Variants in PLD5 observed in about 807,000 individuals in gnomAD.
The protein encoded by PLD5 is inactive phospholipase D5.
A neutral mutation model predicts 61.1 loss-of-function variants in PLD5; 36 were observed. The observed-to-expected ratio is 0.59, with a 90% confidence interval of 0.45 to 0.78. The LOEUF is 0.78. Among genes scored for constraint, PLD5 ranks in the 30% least tolerant of loss-of-function variants. The pLI, the probability that PLD5 is intolerant of heterozygous loss-of-function variation, is 0.00. For missense variants in PLD5, 515 were observed against 644.4 expected (o/e 0.80, Z 2.17); for synonymous variants, 243 against 242.8 (o/e 1.00, Z -0.01).
chr1:242,178,553 A>T (rs1336602465), intron 5 of PLD5, among the ~76,000 whole-genome samples: 2 of 152,218 alleles, frequency 1.3e-5, no homozygotes, highest in Non-Finnish European at 2.9e-5. Context: ...TTCAAAGCAT[A>T]GGTTTTCAGG....
intron 4 of PLD5, among the ~76,000 whole-genome samples, chr1:242,233,482 C>G (rs577108104): frequency 6.6e-6 from 1 of 151,772 alleles, no homozygotes; most frequent in East Asian, 2.0e-4. Flanking sequence ...TTAGAAGAGA[C>G]TGATTTCTAA....
intron 1 of PLD5, among the ~76,000 whole-genome samples, chr1:242,462,912 C>T (rs996578582): frequency 6.6e-6 from 1 of 152,200 alleles, no homozygotes; most frequent in Non-Finnish European, 1.5e-5. Flanking sequence ...TCCAACATTA[C>T]TTGTGCCTTA....
intron 3 of PLD5, among the ~76,000 whole-genome samples, chr1:242,277,038 G>A (rs577220874): frequency 6.6e-6 from 1 of 152,066 alleles, no homozygotes; most frequent in Non-Finnish European, 1.5e-5. Context: ...TGGTAACCAG[G>A]CTCTCGGCGG....
rs1403922738 is a variant in PLD5, at chr1:242,494,879, TG to T, written c.189+29208del. On this transcript the variant is annotated intron_variant, in intron 1 of 9. Coordinates refer to ENST00000536534, the MANE Select transcript of PLD5 (RefSeq NM_001372062.1). ...CAACCCCCAATTTTTTTTTCTTTTC[TG>T]TTTTTTTTTTTTTGCTGTTTTGTCC... Among the ~76,000 whole-genome samples the T allele has an allele frequency of 1.3e-3, 67 of 50,302 alleles. 1 individual carries two copies. Among genetic ancestry groups the T allele is most frequent in the African/African-American group, 2.3e-3 (26 of 11,384 alleles). The allele number at this position is 50,302 out of a possible 152,430, so 33.0% of individuals were successfully genotyped here. A position where few individuals can be genotyped will look rare whatever the true frequency, so the allele number is the denominator to read the frequency against.
chr1:242,334,010 T>C (rs541348451), intron 2 of PLD5, among the ~76,000 whole-genome samples: 1 of 152,296 alleles, frequency 6.6e-6, no homozygotes, highest in Admixed American at 6.5e-5. Context: ...TTTCGACATA[T>C]ACCCAGTAGT....
At chr1:242,394,501 T>A (rs140999425) in intron 1 of PLD5, among the ~76,000 whole-genome samples, 7,734 of 74,156 alleles carry the variant, frequency 0.1, 1,828 homozygotes, top group Admixed American at 0.14. Context: ...CATATATATG[T>A]GTATATATGT....
At chr1:242,305,773 G>C (rs1676312177) in intron 2 of PLD5, among the ~76,000 whole-genome samples, 2 of 152,192 alleles carry the variant, frequency 1.3e-5, no homozygotes, top group Non-Finnish European at 2.9e-5. Flanking sequence ...TGTTGGCCAG[G>C]ATGGTCTCGA....
chr1:242,496,542 A>G (rs978565614), intron 1 of PLD5, among the ~76,000 whole-genome samples: 4 of 152,220 alleles, frequency 2.6e-5, no homozygotes, highest in Non-Finnish European at 5.9e-5. Flanking sequence ...TTTGCACTTC[A>G]TTAGACTTTG....
chr1:242,112,339 G>GATAGATAGATAGA lies in PLD5; in HGVS notation c.1070+1550_1070+1551insTCTATCTATCTAT, dbSNP rs1558233108. Among the ~76,000 whole-genome samples, 1,375 of 143,406 alleles carry GATAGATAGATAGA rather than the reference G, an allele frequency of 9.6e-3. 41 individuals are homozygous for GATAGATAGATAGA. The highest frequency in any genetic ancestry group is 0.033 in the African/African-American group (1,291 of 38,976). The allele number at this position is 143,406 out of a possible 152,430, so 94.1% of individuals were successfully genotyped here. A position where few individuals can be genotyped will look rare whatever the true frequency, so the allele number is the denominator to read the frequency against. On this transcript the variant is annotated intron_variant, in intron 7 of 9. Coordinates refer to ENST00000536534, the MANE Select transcript of PLD5 (RefSeq NM_001372062.1). The stretch of plus-strand genomic sequence containing the variant: ...TGTGTGTGTGTATGTATGTATATGT[G>GATAGATAGATAGA]TATATATATATATAGATGGAGTCTC...
Position 242,090,070 on chromosome 1 carries a change from A to G in PLD5, c.1395T>C (p.Ala465=). 1 of 1,614,226 alleles carries G rather than the reference A, an allele frequency of 6.2e-7. No individual in the cohort carries two copies. Among genetic ancestry groups the G allele is most frequent in the Non-Finnish European group, 8.5e-7 (1 of 1,180,044 alleles). ...DWVGNDFTQN[A]GTGLVINQAD... ...CCTGGTTGATAACAAGGCCCGTGCCAGCATTCTGAGTGAAATCATTCCCTA... is the reference window on the plus strand; with the variant it reads ...CCTGGTTGATAACAAGGCCCGTGCCGGCATTCTGAGTGAAATCATTCCCTA... Residue 465 remains alanine, a synonymous_variant, in exon 10 of 10, where the codon GCT becomes GCC. Transcript: ENST00000536534.
At chr1:242,346,170 T>G (rs981500043) in intron 2 of PLD5, among the ~76,000 whole-genome samples, 14 of 150,626 alleles carry the variant, frequency 9.3e-5, no homozygotes, top group African/African-American at 3.2e-4. Flanking sequence ...GAAGTAGAAT[T>G]AAGTCATTAG....
intron 7 of PLD5, among the ~76,000 whole-genome samples, chr1:242,112,259 A>G (rs544105769): frequency 2.6e-5 from 4 of 151,912 alleles, no homozygotes; most frequent in African/African-American, 9.7e-5. Context: ...GGTGAAAAAA[A>G]TCCATGAATG....
At chr1:242,459,098 G>T (rs750884768) in intron 1 of PLD5, among the ~76,000 whole-genome samples, 1 of 152,140 alleles carries the variant, frequency 6.6e-6, no homozygotes, top group Non-Finnish European at 1.5e-5. Flanking sequence ...TCAAATTAAT[G>T]ATCTAAGACA....
intron 1 of PLD5, among the ~76,000 whole-genome samples, chr1:242,521,269 C>A (rs1324622190): frequency 6.6e-6 from 1 of 152,222 alleles, no homozygotes; most frequent in African/African-American, 2.4e-5. Flanking sequence ...CAATCCTCAA[C>A]TAATTCAGGT....
chr1:242,170,850 T>C (rs983646286), intron 5 of PLD5, among the ~76,000 whole-genome samples: 3 of 151,490 alleles, frequency 2.0e-5, no homozygotes, highest in Non-Finnish European at 2.9e-5. Flanking sequence ...GAAAAAAGAA[T>C]GAAAAGGAAT....
intron 1 of PLD5, among the ~76,000 whole-genome samples, chr1:242,490,353 A>G (rs961695411): frequency 4.6e-5 from 7 of 152,234 alleles, no homozygotes; most frequent in Non-Finnish European, 8.8e-5. Flanking sequence ...GTTTTGCAAA[A>G]GTGTTCTAAA....
intron 1 of PLD5, among the ~76,000 whole-genome samples, chr1:242,517,431 TTGAGA>T (rs1441850093): frequency 1.3e-5 from 2 of 152,250 alleles, no homozygotes; most frequent in Non-Finnish European, 2.9e-5. Context: ...TCTTCCTCTG[TTGAGA>T]TAATTGTATG....
chr1:242,250,713 A>G (rs946935123), intron 4 of PLD5, among the ~76,000 whole-genome samples: 2 of 152,248 alleles, frequency 1.3e-5, no homozygotes, highest in African/African-American at 2.4e-5. Flanking sequence ...CCGCCAAAAA[A>G]TTGGTAAAGC....
chr1:242,133,253 C>A (rs1273709694), intron 5 of PLD5, among the ~76,000 whole-genome samples: 2 of 152,108 alleles, frequency 1.3e-5, no homozygotes, highest in Non-Finnish European at 2.9e-5. Context: ...TTCACTTTAG[C>A]CTCTGACTGG....
Sources: allele counts gnomAD v4.1 joint callset (sites outside exome capture counted in the v4.1 genomes callset), GRCh38; gene constraint gnomAD v4.1.1; transcripts MANE v1.5; gene names NCBI Gene and HGNC (gene_info 2026-07-23, HGNC 2026-07-21).